The following FGFR2 variants were observed in gnomAD, a reference collection of about 807,000 sequenced individuals.
FGFR2 encodes the protein BEK fibroblast growth factor receptor.
In FGFR2, 19 loss-of-function variants were observed where a neutral mutation model predicts 95.9. The observed-to-expected ratio is 0.20, with a 90% CI of 0.14 to 0.29. The LOEUF (loss-of-function observed/expected upper bound fraction) is 0.29, where lower values mean the gene tolerates loss of function less well. Among genes scored for constraint, FGFR2 ranks in the 10% least tolerant of loss-of-function variants. The pLI, the probability that FGFR2 is intolerant of heterozygous loss-of-function variation, is 1.00. For missense variants in FGFR2, 707 were observed against 1,056.9 expected (o/e 0.67, Z 4.59); for synonymous variants, 392 against 393.3 (o/e 1.00, Z 0.04).
rs953112165 is a variant in FGFR2 at position 121,594,219 on chromosome 10, T to C, written c.-150-252A>G. The stretch of plus-strand genomic sequence containing the variant: ...AGAGATAAAACAGTAGCTACAGGAC[T>C]CAGATACGTGCAGCCACTTCAGTGA... On this transcript the variant is annotated intron_variant, in intron 1 of 17. Transcript: ENST00000358487. 3.4e-5 allele frequency: 14 copies of C among 411,596 alleles called. No individual in the cohort carries two copies. The Admixed American group carries it at 5.6e-4, about 16-fold the overall frequency. The allele number at this position is 411,596 out of a possible 1,614,324, so 25.5% of individuals were successfully genotyped here. A position where few individuals can be genotyped will look rare whatever the true frequency, so the allele number is the denominator to read the frequency against.
At chr10:121,577,662 G>C (rs1860136449) in intron 2 of FGFR2, among the ~76,000 whole-genome samples, 1 of 152,056 alleles carries the variant, frequency 6.6e-6, no homozygotes, top group Non-Finnish European at 1.5e-5. Context: ...GATATACCCA[G>C]AATTCTACCT....
Position 121,589,917 on chromosome 10 carries a change from C to A in FGFR2, c.109+3792G>T, listed in dbSNP as rs544177612. ...TTTTAAATCATTCACTCTTGGTATG[C>A]GGATATATTCTTTCTTCCTTTCTTT... is the stretch of plus-strand genomic sequence containing the variant. On this transcript the variant is annotated intron_variant, in intron 2 of 17. Transcript: ENST00000358487. Among the ~76,000 whole-genome samples, 11 of 152,272 alleles carry A rather than the reference C, an allele frequency of 7.2e-5. 1 individual carries two copies. In the South Asian group the frequency reaches 1.2e-3, roughly 17 times the overall value.
rs1409730161 is a variant in FGFR2, at chr10:121,479,700, T to C, written c.*157A>G. ...GGAAGATTACAAGTTTTCAACTGTA[T>C]AAATCTTTACACATATGCTGATTAC... On this transcript the variant is annotated 3_prime_UTR_variant, in exon 18 of 18. Coordinates refer to ENST00000358487, the MANE Select transcript of FGFR2 (RefSeq NM_000141.5). 2 of 1,582,340 alleles carry C rather than the reference T, an allele frequency of 1.3e-6. No individual in the cohort carries two copies. The highest frequency in any genetic ancestry group is 3.3e-4 in the Middle Eastern group (2 of 6,012).
intron 2 of FGFR2, among the ~76,000 whole-genome samples, chr10:121,587,230 C>T (rs905382567): frequency 1.3e-5 from 2 of 152,106 alleles, no homozygotes; most frequent in African/African-American, 4.8e-5. Flanking sequence ...CTGACCCCTT[C>T]CTTATACCAT....
At chr10:121,494,485 C>T (rs1846521597) in intron 13 of FGFR2, among the ~76,000 whole-genome samples, 1 of 152,114 alleles carries the variant, frequency 6.6e-6, no homozygotes, top group South Asian at 2.1e-4. Flanking sequence ...TGCAAAACTG[C>T]TTCCCCTATC....
intron 4 of FGFR2, among the ~76,000 whole-genome samples, chr10:121,552,831 G>T (rs904724251): frequency 6.6e-6 from 1 of 152,170 alleles, no homozygotes; most frequent in Non-Finnish European, 1.5e-5. Context: ...ATTGTAGAAG[G>T]CTAATTCATA....
chr10:121,529,311 T>C (rs1236180978), intron 6 of FGFR2, among the ~76,000 whole-genome samples: 2 of 152,118 alleles, frequency 1.3e-5, no homozygotes, highest in African/African-American at 2.4e-5. Context: ...GTTTTTACCA[T>C]GTTGGCCAGG....
intron 13 of FGFR2, 74 bp from the exon 14 acceptor site, chr10:121,488,187 T>C: frequency 6.3e-7 from 1 of 1,585,510 alleles, no homozygotes; most frequent in East Asian, 2.2e-5. Context: ...ATATGTTCAT[T>C]TCTTAAAATG....
chr10:121,517,525 T>A lies in FGFR2; in HGVS notation c.940-62A>T. On this transcript the variant is annotated intron_variant, in intron 7 of 17. Coordinates refer to ENST00000358487, the MANE Select transcript of FGFR2 (RefSeq NM_000141.5). The surrounding 1 kb of genome is among the most constrained non-coding windows in gnomAD (Gnocchi z 4.7). The stretch of plus-strand genomic sequence containing the variant: ...ACACAGGAATGATTGTGGAGGGGGC[T>A]GTGGAACCACAAGGCGTCGCACCGG... The A allele has an allele frequency of 6.2e-7, 1 of 1,606,662 alleles. No individual in the cohort carries two copies. The highest frequency in any genetic ancestry group is 8.5e-7 in the Non-Finnish European group (1 of 1,174,234).
chr10:121,555,498 T>G (rs1856015174), intron 4 of FGFR2, among the ~76,000 whole-genome samples: 1 of 152,212 alleles, frequency 6.6e-6, no homozygotes, highest in Non-Finnish European at 1.5e-5. Flanking sequence ...AATAGAGACG[T>G]GTGGTATAAA....
chr10:121,486,640 C>G (rs990855610), intron 15 of FGFR2, among the ~76,000 whole-genome samples: 1 of 152,190 alleles, frequency 6.6e-6, no homozygotes, highest in African/African-American at 2.4e-5. Context: ...CGGGGTTTCA[C>G]CATGTTGGCC....
chr10:121,563,246 C>T (rs1057143995), intron 4 of FGFR2, among the ~76,000 whole-genome samples: 1 of 152,064 alleles, frequency 6.6e-6, no homozygotes, highest in African/African-American at 2.4e-5. Flanking sequence ...TAGTGGCAGG[C>T]CCCTGTAGTC....
chr10:121,487,837 A>G (rs1050747902), intron 14 of FGFR2, among the ~76,000 whole-genome samples, 154 bp downstream of exon 14: 5 of 152,136 alleles, frequency 3.3e-5, no homozygotes, highest in Admixed American at 2.6e-4. Flanking sequence ...GCATATTGAG[A>G]GTTTGTGAAT....
In FGFR2 at chr10:121,570,647, A is replaced by G. The variant is rs115682149; in HGVS notation, c.110-4943T>C. ...CATCTCCTGCCAAAACGCAATGGGG[A>G]GAAGGTTCCAGAAGCCGCCTTGCTA... On this transcript the variant is annotated intron_variant, in intron 2 of 17. Transcript: ENST00000358487. Among the ~76,000 whole-genome samples, 579 of 152,308 alleles carry G rather than the reference A, an allele frequency of 3.8e-3. 4 individuals are homozygous for G. Among genetic ancestry groups the G allele is most frequent in the African/African-American group, 0.013 (558 of 41,568 alleles).
At chr10:121,529,248 A>AG (rs752011548) in intron 6 of FGFR2, among the ~76,000 whole-genome samples, 40 of 152,118 alleles carry the variant, frequency 2.6e-4, no homozygotes, top group Non-Finnish European at 5.6e-4. Flanking sequence ...AGCTGGGATT[A>AG]CAGGCACACA....
chr10:121,580,476 G>A (rs1331219931), intron 2 of FGFR2, among the ~76,000 whole-genome samples: 1 of 147,458 alleles, frequency 6.8e-6, no homozygotes, highest in Non-Finnish European at 1.5e-5. Context: ...CCAGCATCTC[G>A]AAACCCGTGC....
intron 4 of FGFR2, among the ~76,000 whole-genome samples, chr10:121,560,605 A>T (rs1342562596): frequency 3.8e-5 from 4 of 104,678 alleles, no homozygotes; most frequent in African/African-American, 1.6e-4. Flanking sequence ...ACAGAGCAAG[A>T]CTCCGTCCCC....
chr10:121,498,505 G>A lies in FGFR2; in HGVS notation c.1662C>T (p.Cys554=), dbSNP rs2133971644. 1.2e-6 allele frequency: 2 copies of A among 1,603,236 alleles called. No individual in the cohort carries two copies. Among genetic ancestry groups the A allele is most frequent in the Non-Finnish European group, 1.7e-6 (2 of 1,170,070 alleles). Residue 554 remains cysteine (C), a synonymous_variant, in exon 12 of 18, where the codon TGC becomes TGT. Coordinates refer to ENST00000358487, the MANE Select transcript of FGFR2 (RefSeq NM_000141.5). ...TTTCCTCCTACTCACCATCCTGTGTGCAGGCTCCAAGAAGATTTATGATAT... is the reference window on the plus strand; with the variant it reads ...TTTCCTCCTACTCACCATCCTGTGTACAGGCTCCAAGAAGATTTATGATAT... The part of the protein sequence containing the change: ...HKNIINLLGA[C]TQDGPLYVIV...
chr10:121,541,167 C>T (rs1178162162), intron 5 of FGFR2, among the ~76,000 whole-genome samples: 1 of 152,196 alleles, frequency 6.6e-6, no homozygotes, highest in African/African-American at 2.4e-5. Flanking sequence ...AATTACCAAA[C>T]AGGGTGTTTC....
Sources: gnomAD v4.1 joint callset for allele counts (sites outside exome capture counted in the v4.1 genomes callset) on GRCh38, gnomAD v4.1.1 for gene constraint, Gnocchi (gnomAD v3.1) non-coding constraint, MANE v1.5 for transcripts, NCBI Gene and HGNC (gene_info 2026-07-23, HGNC 2026-07-21) for gene names.